Variants in RFC4 observed in about 807,000 individuals in gnomAD.
RFC4 encodes A1 37 kDa subunit.
Under a neutral mutation model 47.6 loss-of-function variants are expected in RFC4, and 38 were observed. That is an observed-to-expected ratio of 0.80 (90% CI 0.62 to 1.05). The LOEUF (loss-of-function observed/expected upper bound fraction) is 1.05. RFC4 is among the 50% of genes least tolerant of loss of function. The pLI is 0.00. For synonymous variants in RFC4, 164 were observed against 150.0 expected (o/e 1.09, Z -0.68); for missense variants, 489 against 434.0 (o/e 1.13, Z -1.13).
chr3:186,803,253 G>A (rs1300940718), intron 2 of RFC4, among the ~76,000 whole-genome samples: 1 of 151,988 alleles, frequency 6.6e-6, no homozygotes, highest in Admixed American at 6.5e-5. Context: ...TGAGGCAGGA[G>A]AATCACTTGA....
chr3:186,800,245 C>A (rs560238860), intron 3 of RFC4, among the ~76,000 whole-genome samples: 81 of 152,302 alleles, frequency 5.3e-4, no homozygotes, highest in African/African-American at 1.8e-3. Flanking sequence ...GCGTGAGCCA[C>A]TGTGGCCGGC....
Position 186,796,137 on chromosome 3 carries a change from C to T in RFC4, c.291-1360G>A, listed in dbSNP as rs900199793. On this transcript the variant is annotated intron_variant, in intron 4 of 10. Transcript: ENST00000296273. The surrounding 1 kb of genome is among the most constrained non-coding windows in gnomAD (Gnocchi z 4.2). ...ATGGTATCCTAAGCATGTTTATGGACATAAACATTTACATGCATCTATTTT... is the reference window on the plus strand; with the variant it reads ...ATGGTATCCTAAGCATGTTTATGGATATAAACATTTACATGCATCTATTTT... 1.3e-5 allele frequency among the ~76,000 whole-genome samples: 2 copies of T among 152,012 alleles called. No individual in the cohort carries two copies. The highest frequency in any genetic ancestry group is 2.9e-5 in the Non-Finnish European group (2 of 68,014).
At position 186,790,337 on chromosome 3, in the gene RFC4, C is replaced by T. The variant is rs34534239; in HGVS notation, c.871G>A (p.Ala291Thr). The change falls in exon 9 of 11, where the codon GCT becomes ACT. Residue 291 changes from alanine to threonine, a missense_variant. Transcript: ENST00000296273. ...CQSGSFDKLEAVVKDLIDEGH... is the reference protein window; with the variant it reads ...CQSGSFDKLETVVKDLIDEGH... ...TAAGCTGACTTTACCTTGACCACAG[C>T]TTCTAGTTTGTCAAAAGAGCCACTC... 9 of 1,613,660 alleles carry T rather than the reference C, an allele frequency of 5.6e-6. No individual in the cohort carries two copies. Among genetic ancestry groups the T allele is most frequent in the Non-Finnish European group, 6.8e-6 (8 of 1,179,708 alleles).
chr3:186,801,397 T>C (rs143356670), intron 2 of RFC4: 48 of 579,858 alleles, frequency 8.3e-5, no homozygotes, highest in African/African-American at 8.2e-4. Context: ...AGTGAAATAA[T>C]GTTTTACTTC....
intron 2 of RFC4, among the ~76,000 whole-genome samples, chr3:186,802,281 G>A (rs1722374699): frequency 1.3e-5 from 2 of 151,564 alleles, no homozygotes; most frequent in South Asian, 4.2e-4. Context: ...AGCCAAGATC[G>A]CACCACTGCA....
chr3:186,789,924 T>C lies in RFC4; in HGVS notation c.*45A>G, dbSNP rs1406841151. 1 of 1,219,806 alleles carries C rather than the reference T, an allele frequency of 8.2e-7. No individual in the cohort carries two copies. Among genetic ancestry groups the C allele is most frequent in the Non-Finnish European group, 1.2e-6 (1 of 840,520 alleles). 75.6% of individuals were successfully genotyped at this position (1,219,806 alleles called of 1,614,324 possible). A position where few individuals can be genotyped will look rare whatever the true frequency, so the allele number is the denominator to read the frequency against. On this transcript the variant is annotated 3_prime_UTR_variant, in exon 11 of 11. Transcript: ENST00000296273. ...GTGCTTTTGGTCATTTTATTTTTAT[T>C]ACAACTTCATTATTTACAAAACCCC...
chr3:186,796,026 TACACACACAC>T lies in RFC4; in HGVS notation c.291-1259_291-1250del, dbSNP rs3082241. 9.4e-5 allele frequency among the ~76,000 whole-genome samples: 14 copies of T among 149,170 alleles called. No homozygotes were observed. Among genetic ancestry groups the T allele is most frequent in the African/African-American group, 3.2e-4 (13 of 40,434 alleles). ...TTTTTGAAACTTCCCTCTAGTCTTT[TACACACACAC>T]ACACACACACACACACACATTTAAA... On this transcript the variant is annotated intron_variant, in intron 4 of 10. Coordinates refer to ENST00000296273, the MANE Select transcript of RFC4 (RefSeq NM_002916.5). This position sits in a 1 kb window ranked among gnomAD's most constrained non-coding sequence, Gnocchi z 4.2.
chr3:186,791,572 C>A (rs1722137210), intron 8 of RFC4, 153 bp downstream of exon 8: 2 of 738,224 alleles, frequency 2.7e-6, no homozygotes, highest in Non-Finnish European at 4.9e-6. Flanking sequence ...TATCTCCTCA[C>A]CTCAAACACT....
intron 1 of RFC4, among the ~76,000 whole-genome samples, chr3:186,805,857 A>G (rs572967845): frequency 6.6e-6 from 1 of 152,274 alleles, no homozygotes; most frequent in East Asian, 1.9e-4. Context: ...TGCCTGGTAC[A>G]TGGTAGATGC....
chr3:186,790,323 T>C lies in RFC4; in HGVS notation c.882+3A>G, dbSNP rs1221538688. 4 of 1,613,620 alleles carry C rather than the reference T, an allele frequency of 2.5e-6. No individual in the cohort carries two copies. The highest frequency in any genetic ancestry group is 3.3e-5 in the Admixed American group (2 of 60,028). ...TTCCCCAAAGTTAGTAAGCTGACTT[T>C]ACCTTGACCACAGCTTCTAGTTTGT... On this transcript the variant is annotated splice_donor_region_variant and intron_variant, in intron 9 of 10. Coordinates refer to ENST00000296273, the MANE Select transcript of RFC4 (RefSeq NM_002916.5).
At position 186,794,727 on chromosome 3, in the gene RFC4, C is replaced by T. The variant is rs148403533; in HGVS notation, c.341G>A (p.Arg114His). 45 of 1,613,676 alleles carry T rather than the reference C, an allele frequency of 2.8e-5. No individual in the cohort carries two copies. The African/African-American group carries it at 3.7e-4, about 13-fold the overall frequency. The stretch of plus-strand genomic sequence containing the variant: ...TTTCTCTCGAACTACTTGTATTCCA[C>T]GTTCATCAGATGCATTTAACTCAAG... ...RVLELNASDERGIQVVREKVK... is the reference protein window; with the variant it reads ...RVLELNASDEHGIQVVREKVK... The change falls in exon 5 of 11, where the codon CGT becomes CAT. Residue 114 changes from arginine (R) to histidine (H), a missense_variant. Transcript: ENST00000296273.
intron 2 of RFC4, among the ~76,000 whole-genome samples, chr3:186,802,368 A>T (rs1722377189): frequency 6.6e-6 from 1 of 152,138 alleles, no homozygotes; most frequent in South Asian, 2.1e-4. Flanking sequence ...ACAAAATAAG[A>T]TCATGAATCT....
In RFC4 at chr3:186,796,716, G is replaced by A. The variant is rs1441631175; in HGVS notation, c.290+819C>T. ...GCTGGTTTCGAACTCCTCACCCCAG[G>A]TGATCCACCTGCCTCGGCCTCCCAA... On this transcript the variant is annotated intron_variant, in intron 4 of 10. Coordinates refer to ENST00000296273, the MANE Select transcript of RFC4 (RefSeq NM_002916.5). This position sits in a 1 kb window ranked among gnomAD's most constrained non-coding sequence, Gnocchi z 4.2. 6.6e-6 allele frequency among the ~76,000 whole-genome samples: 1 copy of A among 152,150 alleles called. No individual in the cohort carries two copies. Among genetic ancestry groups the A allele is most frequent in the African/African-American group, 2.4e-5 (1 of 41,430 alleles).
intron 4 of RFC4, among the ~76,000 whole-genome samples, chr3:186,795,389 T>C (rs982390477): frequency 5.9e-5 from 9 of 152,276 alleles, no homozygotes; most frequent in Non-Finnish European, 2.9e-5. Flanking sequence ...AATAGTCATA[T>C]GATATTCCAT....
At chr3:186,802,344 A>G (rs1446519828) in intron 2 of RFC4, among the ~76,000 whole-genome samples, 1 of 152,126 alleles carries the variant, frequency 6.6e-6, no homozygotes, top group African/African-American at 2.4e-5. Flanking sequence ...AAAAAAAAGC[A>G]TTGTTCCACT....
chr3:186,792,397 T>A lies in RFC4; in HGVS notation c.675+93A>T. ...TTGTCTGAAGAACTGGCATCAGGAT[T>A]GAGGCAACACACATTTAAATCTTTC... On this transcript the variant is annotated intron_variant, in intron 7 of 10. Coordinates refer to ENST00000296273, the MANE Select transcript of RFC4 (RefSeq NM_002916.5). 2.7e-6 allele frequency: 3 copies of A among 1,103,596 alleles called. No individual in the cohort carries two copies. In the Admixed American group the frequency reaches 5.9e-5, roughly 22 times the overall value. The allele number at this position is 1,103,596 out of a possible 1,614,324, so 68.4% of individuals were successfully genotyped here.
rs372414986 is a variant in RFC4 at position 186,794,786 on chromosome 3, A to G, written c.291-9T>C. On this transcript the variant is annotated splice_polypyrimidine_tract_variant and intron_variant, in intron 4 of 10. Transcript: ENST00000296273. ...ATCGGAAAAGTTCAGGCCTATCTCA[A>G]AATGAAACAAATATGAAACATAGAG... 104 of 1,612,908 alleles carry G rather than the reference A, an allele frequency of 6.4e-5. No individual in the cohort carries two copies. The highest frequency in any genetic ancestry group is 7.3e-5 in the Non-Finnish European group (86 of 1,179,596).
intron 8 of RFC4, chr3:186,791,317 C>T (rs1030219072): frequency 5.0e-5 from 11 of 220,396 alleles, no homozygotes; most frequent in Non-Finnish European, 6.5e-5. Flanking sequence ...CGTGAAACCC[C>T]GTCTCTACTA....
At chr3:186,790,277 GTATGA>G in intron 9 of RFC4, 22 bp from the exon 10 acceptor site, 1 of 1,610,378 alleles carries the variant, frequency 6.2e-7, no homozygotes, top group Non-Finnish European at 8.5e-7. Context: ...AAAACTTTTG[GTATGA>G]TGACTTAATA....
Sources: gnomAD v4.1 joint callset for allele counts (sites outside exome capture counted in the v4.1 genomes callset) on GRCh38, gnomAD v4.1.1 for gene constraint, Gnocchi (gnomAD v3.1) non-coding constraint, MANE v1.5 for transcripts, NCBI Gene and HGNC (gene_info 2026-07-23, HGNC 2026-07-21) for gene names.